The following PDE11A variants were observed in gnomAD, a reference collection of about 807,000 sequenced individuals.
The protein encoded by PDE11A is phosphodiesterase 11A.
A neutral mutation model predicts 100.5 loss-of-function variants in PDE11A; 100 were observed. The ratio of observed to expected loss-of-function variants is 1.00; its 90% CI spans 0.85 to 1.18. The LOEUF (loss-of-function observed/expected upper bound fraction) is 1.18, where lower values mean the gene tolerates loss of function less well. Ranked by LOEUF, PDE11A falls within the 50% of genes most tolerant of loss-of-function variation. PDE11A has a pLI of 0.00. For synonymous variants in PDE11A, 381 were observed against 420.8 expected (o/e 0.91, Z 1.16); for missense variants, 1,141 against 1,152.6 (o/e 0.99, Z 0.15).
intron 5 of PDE11A, among the ~76,000 whole-genome samples, chr2:177,848,432 T>G (rs1234717051): frequency 6.6e-6 from 1 of 152,344 alleles, no homozygotes; most frequent in East Asian, 1.9e-4. Context: ...TCGATTCACT[T>G]CAGCATAACA....
chr2:177,899,637 A>AATATATATATATATATATAT (rs3037901), intron 3 of PDE11A: 7 of 203,192 alleles, frequency 3.4e-5, no homozygotes, highest in African/African-American at 1.7e-4. Flanking sequence ...CAGATTCTTA[A>AATATATATATATATATATAT]ATATATATAT....
At chr2:177,827,339 T>C (rs924670521) in intron 6 of PDE11A, among the ~76,000 whole-genome samples, 1 of 152,246 alleles carries the variant, frequency 6.6e-6, no homozygotes, top group Non-Finnish European at 1.5e-5. Flanking sequence ...AAGATCTAGG[T>C]ACTGATGGAT....
intron 5 of PDE11A, among the ~76,000 whole-genome samples, chr2:177,852,392 A>AT (rs11400619): frequency 0.55 from 82,834 of 151,854 alleles, 24,624 homozygotes; most frequent in East Asian, 0.74. Flanking sequence ...CCAAATATTG[A>AT]TTTTTGATCT....
intron 4 of PDE11A, 84 bp from the exon 5 acceptor site, chr2:177,876,007 T>A: frequency 1.2e-6 from 1 of 812,386 alleles, no homozygotes; most frequent in South Asian, 1.4e-5. Context: ...TTCATCTTTA[T>A]AATGATTATA....
intron 9 of PDE11A, among the ~76,000 whole-genome samples, chr2:177,814,953 G>A (rs532318970): frequency 7.2e-5 from 11 of 152,336 alleles, no homozygotes; most frequent in Admixed American, 3.9e-4. Flanking sequence ...AGAGGACGAC[G>A]ATGTGCCAGA....
At chr2:178,015,099 A>T (rs1480314247) in intron 1 of PDE11A, among the ~76,000 whole-genome samples, 1 of 152,246 alleles carries the variant, frequency 6.6e-6, no homozygotes, top group Non-Finnish European at 1.5e-5. Context: ...TAACTTAAAC[A>T]GTATAGTCAC....
intron 2 of PDE11A, among the ~76,000 whole-genome samples, chr2:177,972,947 G>A (rs904891129): frequency 2.6e-5 from 4 of 152,208 alleles, no homozygotes; most frequent in Non-Finnish European, 5.9e-5. Context: ...GAGAGATGGG[G>A]AAAGCTTCAT....
chr2:178,091,813 T>C (rs1241350863), intron 2 of PDE11A, among the ~76,000 whole-genome samples: 1 of 152,164 alleles, frequency 6.6e-6, no homozygotes, highest in Non-Finnish European at 1.5e-5. Flanking sequence ...GATGAAGGTT[T>C]TAGGGTTTTT....
rs903945490 is a variant in PDE11A at position 177,628,098 on chromosome 2, T to C, written c.*1309A>G. 3 of 152,424 alleles carry C rather than the reference T, an allele frequency of 2.0e-5. No homozygotes were observed. The highest frequency in any genetic ancestry group is 4.8e-5 in the African/African-American group (2 of 41,466). The allele number at this position is 152,424 out of a possible 1,614,324, so 9.4% of individuals were successfully genotyped here. A position where few individuals can be genotyped will look rare whatever the true frequency, so the allele number is the denominator to read the frequency against. ...TGACGTTTTATATGTTGGGGATTCA[T>C]TGAAAGATTTATTTGAACAAAGAGT... On this transcript the variant is annotated 3_prime_UTR_variant, in exon 20 of 20. Transcript: ENST00000286063.
chr2:178,102,401 A>T (rs978394800), intron 2 of PDE11A, among the ~76,000 whole-genome samples: 1 of 148,422 alleles, frequency 6.7e-6, no homozygotes, highest in Admixed American at 6.7e-5. Flanking sequence ...CTGGGATTAC[A>T]GGCGTAAGCC....
chr2:177,930,769 G>A (rs1158125563), intron 2 of PDE11A, among the ~76,000 whole-genome samples: 2 of 152,162 alleles, frequency 1.3e-5, no homozygotes, highest in Non-Finnish European at 1.5e-5. Context: ...GGTTGTTTTG[G>A]GAGCCCTGGA....
intron 2 of PDE11A, among the ~76,000 whole-genome samples, chr2:177,954,932 A>G (rs188557074): frequency 5.3e-5 from 8 of 152,292 alleles, no homozygotes; most frequent in African/African-American, 1.9e-4. Flanking sequence ...GGAGACATTT[A>G]TTTTTAATTA....
At chr2:178,050,701 G>A (rs900515677) in intron 1 of PDE11A, among the ~76,000 whole-genome samples, 31 of 152,138 alleles carry the variant, frequency 2.0e-4, no homozygotes, top group African/African-American at 6.0e-4. Context: ...CGAGAACTAC[G>A]TGACGCATGC....
At chr2:178,102,823 A>T (rs1248757110) in intron 2 of PDE11A, among the ~76,000 whole-genome samples, 1 of 152,156 alleles carries the variant, frequency 6.6e-6, no homozygotes, top group East Asian at 1.9e-4. Context: ...TCAGAATATG[A>T]GTTTGTCTGG....
chr2:178,056,782 A>C (rs2086904038), intron 1 of PDE11A, among the ~76,000 whole-genome samples: 1 of 152,168 alleles, frequency 6.6e-6, no homozygotes, highest in Non-Finnish European at 1.5e-5. Flanking sequence ...GGGAACAAAT[A>C]CTTATTTTCA....
rs1372131778 is a variant in PDE11A at position 177,845,210 on chromosome 2, C to A, written c.1368-4827G>T. Among the ~76,000 whole-genome samples, 4 of 150,438 alleles carry A rather than the reference C, an allele frequency of 2.7e-5. No individual in the cohort carries two copies. In the East Asian group the frequency reaches 8.0e-4, roughly 30 times the overall value. ...CCTCCCGGACGGGGTGGCTGCCGGG[C>A]GGAGACGCTCCTCACTTCCCAGATG... On this transcript the variant is annotated intron_variant, in intron 5 of 19. Coordinates refer to ENST00000286063, the MANE Select transcript of PDE11A (RefSeq NM_016953.4).
chr2:177,672,095 C>T (rs2080692096), intron 17 of PDE11A, among the ~76,000 whole-genome samples: 2 of 152,184 alleles, frequency 1.3e-5, no homozygotes, highest in Admixed American at 6.5e-5. Context: ...AGCCTCCTAC[C>T]TCTTCCCTGC....
chr2:177,649,612 T>A (rs1354694735), intron 19 of PDE11A, among the ~76,000 whole-genome samples: 2 of 152,226 alleles, frequency 1.3e-5, no homozygotes, highest in Non-Finnish European at 1.5e-5. Flanking sequence ...TATAGATGCA[T>A]GCATATGCAC....
At chr2:178,101,590 T>C (rs993652715) in intron 2 of PDE11A, among the ~76,000 whole-genome samples, 1 of 152,210 alleles carries the variant, frequency 6.6e-6, no homozygotes, top group African/African-American at 2.4e-5. Context: ...AATCACCTGA[T>C]TGGTCCTTGC....
Sources: allele counts gnomAD v4.1 joint callset (sites outside exome capture counted in the v4.1 genomes callset), GRCh38; gene constraint gnomAD v4.1.1; transcripts MANE v1.5; gene names NCBI Gene and HGNC (gene_info 2026-07-23, HGNC 2026-07-21).